Variants in DLGAP2 observed in about 807,000 individuals in gnomAD.
DLGAP2 encodes the protein DLG associated protein 2, also known as disks large-associated protein 2.
In DLGAP2, 26 loss-of-function variants were observed where a neutral mutation model predicts 100.3. The observed-to-expected ratio is 0.26, with a 90% confidence interval of 0.19 to 0.36. The LOEUF is 0.36. Among genes scored for constraint, DLGAP2 ranks in the 10% least tolerant of loss-of-function variants. The probability of loss-of-function intolerance (pLI) is 1.00; values close to 1 mark genes in which losing one functional copy is unlikely to be tolerated. For missense variants in DLGAP2, 1,858 were observed against 1,453.2 expected, an observed-to-expected ratio of 1.28 and a Z score of -4.53; for synonymous variants, 886 against 630.1, an observed-to-expected ratio of 1.41 and a Z score of -6.08.
rs369926985 is a variant in DLGAP2, at chr8:1,480,185, G to A, written c.107-21181G>A. Among the ~76,000 whole-genome samples the A allele has an allele frequency of 1.4e-3, 214 of 152,290 alleles. 1 individual carries two copies. The highest frequency in any genetic ancestry group is 4.9e-3 in the African/African-American group (203 of 41,550). On this transcript the variant is annotated intron_variant, in intron 3 of 14. Transcript: ENST00000637795. ...TGTACCGAACATCCCCCCTCCGCCT[G>A]CTGAGCTTTTCAGAACACAGGAAAC... is the stretch of plus-strand genomic sequence containing the variant.
chr8:848,271 G>A (rs546533926), intron 1 of DLGAP2, among the ~76,000 whole-genome samples: 2 of 151,972 alleles, frequency 1.3e-5, no homozygotes, highest in African/African-American at 4.8e-5. Flanking sequence ...GTATAGGATC[G>A]TGTGGTGTGT....
At chr8:1,187,321 C>T (rs545910890) in intron 2 of DLGAP2, among the ~76,000 whole-genome samples, 1 of 142,818 alleles carries the variant, frequency 7.0e-6, no homozygotes, top group South Asian at 2.3e-4. Context: ...TGTGACATTT[C>T]CCTCACACGC....
intron 3 of DLGAP2, among the ~76,000 whole-genome samples, chr8:1,280,651 C>G (rs1287653851): frequency 6.6e-6 from 1 of 152,142 alleles, no homozygotes. Context: ...GCCACCAGGG[C>G]CCATGTGAGC....
intron 4 of DLGAP2, among the ~76,000 whole-genome samples, chr8:1,508,915 C>A (rs556298626): frequency 2.0e-5 from 3 of 152,220 alleles, no homozygotes; most frequent in African/African-American, 7.2e-5. Context: ...CAATGGTTTT[C>A]TGTTCTGCAG....
At chr8:1,174,744 TATC>T (rs1336039660) in intron 2 of DLGAP2, among the ~76,000 whole-genome samples, 4 of 152,030 alleles carry the variant, frequency 2.6e-5, no homozygotes, top group African/African-American at 9.7e-5. Context: ...CCAAAATCAT[TATC>T]ATCATTACTA....
chr8:890,031 G>T (rs1218838878), intron 1 of DLGAP2, among the ~76,000 whole-genome samples: 1 of 151,938 alleles, frequency 6.6e-6, no homozygotes, highest in Non-Finnish European at 1.5e-5. Flanking sequence ...TTCTCGGGTG[G>T]CCCCCTCACC....
intron 6 of DLGAP2, among the ~76,000 whole-genome samples, chr8:1,570,318 C>T (rs2130593694): frequency 6.6e-6 from 1 of 152,348 alleles, no homozygotes. Context: ...CTGTGGCTGG[C>T]ACCATGATGT....
chr8:1,531,486 G>A (rs560185488), intron 4 of DLGAP2, among the ~76,000 whole-genome samples: 55 of 152,074 alleles, frequency 3.6e-4, no homozygotes, highest in African/African-American at 1.3e-3. Flanking sequence ...GTATTTTCAT[G>A]TCTATGAAAT....
At chr8:1,413,038 C>G (rs1410686484) in intron 3 of DLGAP2, among the ~76,000 whole-genome samples, 1 of 152,154 alleles carries the variant, frequency 6.6e-6, no homozygotes, top group Non-Finnish European at 1.5e-5. Flanking sequence ...GTGTCCCCTC[C>G]TCTGTGAAGA....
rs573592858 is a variant in DLGAP2 at position 1,664,574 on chromosome 8, T to C, written c.1811-3755T>C. Reference sequence around the variant, plus strand: ...CACCAGTGAAGCTTGCCAGGCACTTTACGTCGGTGCCCAACGTGGAAGAAA... The same window carrying C: ...CACCAGTGAAGCTTGCCAGGCACTTCACGTCGGTGCCCAACGTGGAAGAAA... On this transcript the variant is annotated intron_variant, in intron 8 of 14. Coordinates refer to ENST00000637795, the MANE Select transcript of DLGAP2 (RefSeq NM_001346810.2). Among the ~76,000 whole-genome samples, 8 of 152,302 alleles carry C rather than the reference T, an allele frequency of 5.3e-5. No individual in the cohort carries two copies. The South Asian group carries it at 1.4e-3, about 28-fold the overall frequency.
At chr8:870,402 C>A (rs980365685) in intron 1 of DLGAP2, among the ~76,000 whole-genome samples, 1 of 152,174 alleles carries the variant, frequency 6.6e-6, no homozygotes, top group African/African-American at 2.4e-5. Context: ...ACCCTAAACA[C>A]GCAGCTGCCC....
chr8:1,601,886 A>T (rs1310611934), intron 6 of DLGAP2, among the ~76,000 whole-genome samples: 1 of 151,594 alleles, frequency 6.6e-6, no homozygotes, highest in Non-Finnish European at 1.5e-5. Flanking sequence ...CATTTTTTTC[A>T]CCAGGCAATC....
intron 2 of DLGAP2, among the ~76,000 whole-genome samples, chr8:1,181,523 A>T (rs980170509): frequency 6.6e-6 from 1 of 152,014 alleles, no homozygotes. Context: ...GAGGGACAAC[A>T]TACACAGTGG....
chr8:1,205,742 T>G (rs1175279396), intron 2 of DLGAP2, among the ~76,000 whole-genome samples: 1 of 152,070 alleles, frequency 6.6e-6, no homozygotes, highest in Non-Finnish European at 1.5e-5. Context: ...ATGGAGTCCT[T>G]GTGATGGGGG....
At chr8:828,034 G>A (rs1796714868) in intron 1 of DLGAP2, among the ~76,000 whole-genome samples, 1 of 152,166 alleles carries the variant, frequency 6.6e-6, no homozygotes, top group Non-Finnish European at 1.5e-5. Flanking sequence ...ATGAATAGGT[G>A]TGGGTGACAG....
intron 3 of DLGAP2, among the ~76,000 whole-genome samples, chr8:1,287,605 G>T (rs796652460): frequency 2.4e-5 from 1 of 41,046 alleles, no homozygotes; most frequent in Non-Finnish European, 4.2e-5. Flanking sequence ...TGTGTATGTG[G>T]TTCTGTTAGG....
rs1447125399 is a variant in DLGAP2 at position 967,842 on chromosome 8, A to T, written c.73+59876A>T. Among the ~76,000 whole-genome samples, 32 of 53,804 alleles carry T rather than the reference A, an allele frequency of 5.9e-4. 1 individual carries two copies. The highest frequency in any genetic ancestry group is 3.6e-3 in the Admixed American group (21 of 5,804). 35.3% of individuals were successfully genotyped at this position (53,804 alleles called of 152,430 possible). A position where few individuals can be genotyped will look rare whatever the true frequency, so the allele number is the denominator to read the frequency against. On this transcript the variant is annotated intron_variant, in intron 2 of 14. Coordinates refer to ENST00000637795, the MANE Select transcript of DLGAP2 (RefSeq NM_001346810.2). ...TATATATATATATATATATATATATATATATATATATATATATATATATAT... is the reference window on the plus strand; with the variant it reads ...TATATATATATATATATATATATATTTATATATATATATATATATATATAT...
At chr8:1,566,690 C>A (rs2130579285) in intron 6 of DLGAP2, among the ~76,000 whole-genome samples, 1 of 152,322 alleles carries the variant, frequency 6.6e-6, no homozygotes, top group East Asian at 1.9e-4. Flanking sequence ...GACAGGGAGC[C>A]CTGGGCCACA....
At chr8:1,283,838 A>T (rs1799869793) in intron 3 of DLGAP2, among the ~76,000 whole-genome samples, 1 of 152,242 alleles carries the variant, frequency 6.6e-6, no homozygotes, top group African/African-American at 2.4e-5. Flanking sequence ...CACTTAAAGT[A>T]TGAGAGTAAA....
Sources: gnomAD v4.1 joint callset for allele counts (sites outside exome capture counted in the v4.1 genomes callset) on GRCh38, gnomAD v4.1.1 for gene constraint, MANE v1.5 for transcripts, NCBI Gene and HGNC (gene_info 2026-07-23, HGNC 2026-07-21) for gene names.